The following ERBB4 variants were observed in gnomAD, a reference collection of about 807,000 sequenced individuals.
ERBB4 encodes receptor tyrosine-protein kinase erbB-4.
In ERBB4, 42 loss-of-function variants were observed where a neutral mutation model predicts 158.0. The observed-to-expected ratio is 0.27, with a 90% CI of 0.21 to 0.34. ERBB4 has a LOEUF of 0.34. ERBB4 is among the 10% of genes least tolerant of loss of function. The pLI is 1.00. For synonymous variants in ERBB4, 583 were observed against 558.7 expected, an observed-to-expected ratio of 1.04 and a Z score of -0.61; for missense variants, 1,333 against 1,624.1, an observed-to-expected ratio of 0.82 and a Z score of 3.08.
intron 14 of ERBB4, among the ~76,000 whole-genome samples, chr2:211,667,495 T>C (rs2071675587): frequency 6.6e-6 from 1 of 151,494 alleles, no homozygotes; most frequent in Non-Finnish European, 1.5e-5. Context: ...CCTGAGGAGT[T>C]TGCTAATGGT....
intron 1 of ERBB4, among the ~76,000 whole-genome samples, chr2:212,258,800 C>T (rs1198811531): frequency 6.6e-6 from 1 of 151,830 alleles, no homozygotes; most frequent in Admixed American, 6.6e-5. Flanking sequence ...GCATACAAAA[C>T]TCATGAGTTG....
chr2:211,528,726 A>G (rs115812324), intron 20 of ERBB4, among the ~76,000 whole-genome samples: 13,775 of 152,094 alleles, frequency 0.091, 837 homozygotes, highest in African/African-American at 0.18. Flanking sequence ...ATACAAACAC[A>G]TGGAAATTAA....
At chr2:212,494,949 A>G (rs1189266027) in intron 1 of ERBB4, among the ~76,000 whole-genome samples, 4 of 152,102 alleles carry the variant, frequency 2.6e-5, no homozygotes, top group Non-Finnish European at 5.9e-5. Context: ...CAAGATTTTT[A>G]TTTATAAGCT....
Position 212,333,044 on chromosome 2 carries a change from C to T in ERBB4, c.82+205405G>A, listed in dbSNP as rs115748461. 7.5e-3 allele frequency among the ~76,000 whole-genome samples: 1,140 copies of T among 151,950 alleles called. 9 individuals carry two copies. The highest frequency in any genetic ancestry group is 0.013 in the Non-Finnish European group (866 of 67,934). Reference sequence around the variant, plus strand: ...TTTGGATAGAGAAATTCTAACAATCCCTAGAGAGGATTTGTGTGAGGTGGT... The same window carrying T: ...TTTGGATAGAGAAATTCTAACAATCTCTAGAGAGGATTTGTGTGAGGTGGT... On this transcript the variant is annotated intron_variant, in intron 1 of 27. Transcript: ENST00000342788.
rs140813023 is a variant in ERBB4, at chr2:211,507,110, T to C, written c.2487+54793A>G. Among the ~76,000 whole-genome samples the C allele has an allele frequency of 1.6e-3, 247 of 152,194 alleles. 1 individual carries two copies. The highest frequency in any genetic ancestry group is 5.6e-3 in the African/African-American group (233 of 41,566). ...ATGCACACAAACTAGAAAATCTAGA[T>C]GAAATGGATGAATTTCTGGAAACAT... On this transcript the variant is annotated intron_variant, in intron 20 of 27. Coordinates refer to ENST00000342788, the MANE Select transcript of ERBB4 (RefSeq NM_005235.3).
chr2:212,055,168 AG>A (rs1468055800), intron 2 of ERBB4, among the ~76,000 whole-genome samples: 3 of 152,170 alleles, frequency 2.0e-5, no homozygotes, highest in Non-Finnish European at 4.4e-5. Context: ...CCTGGCTCGG[AG>A]GGTCCCACGC....
chr2:211,934,999 T>TAGCAGAGGA (rs1340871511), intron 3 of ERBB4, among the ~76,000 whole-genome samples: 1 of 148,192 alleles, frequency 6.7e-6, no homozygotes, highest in East Asian at 2.0e-4. Flanking sequence ...CCCCTGCTCA[T>TAGCAGAGGA]TCACACATAG....
rs1165635979 is a variant in ERBB4, at chr2:211,534,350, A to G, written c.2487+27553T>C. 2.0e-5 allele frequency among the ~76,000 whole-genome samples: 3 copies of G among 152,004 alleles called. No homozygotes were observed. In the East Asian group the frequency reaches 5.8e-4, roughly 29 times the overall value. On this transcript the variant is annotated intron_variant, in intron 20 of 27. Coordinates refer to ENST00000342788, the MANE Select transcript of ERBB4 (RefSeq NM_005235.3). ...ACATGGTCAACTCGGGAGAAAACCTATTTTATCTCTCTTATTTTTCTCTAA... is the reference window on the plus strand; with the variant it reads ...ACATGGTCAACTCGGGAGAAAACCTGTTTTATCTCTCTTATTTTTCTCTAA...
chr2:211,880,502 G>C lies in ERBB4; in HGVS notation c.421+66928C>G, dbSNP rs2078632500. Among the ~76,000 whole-genome samples, 3 of 151,906 alleles carry C rather than the reference G, an allele frequency of 2.0e-5. No homozygotes were observed. The South Asian group carries it at 6.2e-4, about 32-fold the overall frequency. ...AATTGTTTACTTGACTATACATAAG[G>C]GGTCTTCAAAAAGTTTGTGAAAAAT... On this transcript the variant is annotated intron_variant, in intron 3 of 27. Coordinates refer to ENST00000342788, the MANE Select transcript of ERBB4 (RefSeq NM_005235.3).
intron 12 of ERBB4, among the ~76,000 whole-genome samples, chr2:211,693,689 C>G (rs1007043945): frequency 2.6e-5 from 4 of 152,120 alleles, no homozygotes; most frequent in Non-Finnish European, 5.9e-5. Context: ...CTAAGGTTTC[C>G]CACCCCACTG....
chr2:212,055,967 A>T (rs183177700), intron 2 of ERBB4, among the ~76,000 whole-genome samples: 3 of 152,348 alleles, frequency 2.0e-5, no homozygotes, highest in African/African-American at 7.2e-5. Context: ...GCTTCAGAAG[A>T]TCAAACTTCT....
intron 2 of ERBB4, among the ~76,000 whole-genome samples, chr2:212,015,041 AAT>A (rs58361195): frequency 1.1e-4 from 1 of 9,200 alleles, no homozygotes; most frequent in African/African-American, 2.2e-4. Flanking sequence ...AAAAAAAAAA[AAT>A]ATATATATAT....
intron 1 of ERBB4, among the ~76,000 whole-genome samples, chr2:212,417,333 C>T (rs553434841): frequency 1.3e-5 from 2 of 152,098 alleles, no homozygotes; most frequent in South Asian, 4.2e-4. Flanking sequence ...CTTAAATTAA[C>T]AAGAACTAAA....
chr2:211,984,990 C>T lies in ERBB4; in HGVS notation c.235-37374G>A, dbSNP rs559234562. On this transcript the variant is annotated intron_variant, in intron 2 of 27. Transcript: ENST00000342788. ...CCGGTGATCCACCCACCTCGGCCCA[C>T]GGCGCCTGGCCTGGCATATAACACT... Among the ~76,000 whole-genome samples the T allele has an allele frequency of 5.9e-5, 9 of 152,140 alleles. No homozygotes were observed. The South Asian group carries it at 8.3e-4, about 14-fold the overall frequency.
In ERBB4 at chr2:211,378,790, C is replaced by T. The variant is rs2062524761; in HGVS notation, c.*4825G>A. The T allele has an allele frequency of 4.3e-6, 1 of 232,590 alleles. No individual in the cohort carries two copies. The highest frequency in any genetic ancestry group is 8.5e-6 in the Non-Finnish European group (1 of 117,570). The allele number at this position is 232,590 out of a possible 1,614,324, so 14.4% of individuals were successfully genotyped here. A position where few individuals can be genotyped will look rare whatever the true frequency, so the allele number is the denominator to read the frequency against. ...TATGTTTACATGGGGCAAGGCTGTC[C>T]TTCAAACTGATACACACCGAAGTCC... On this transcript the variant is annotated 3_prime_UTR_variant, in exon 28 of 28. Transcript: ENST00000342788.
intron 1 of ERBB4, among the ~76,000 whole-genome samples, chr2:212,504,011 C>A (rs1384345831): frequency 6.6e-6 from 1 of 152,164 alleles, no homozygotes; most frequent in East Asian, 1.9e-4. Flanking sequence ...AAATGTCCAT[C>A]TATTTAACAT....
chr2:212,155,897 C>A (rs1484234962), intron 1 of ERBB4, among the ~76,000 whole-genome samples: 2 of 152,048 alleles, frequency 1.3e-5, no homozygotes, highest in African/African-American at 4.8e-5. Flanking sequence ...ATAAAAAGAA[C>A]ACATATATTA....
intron 1 of ERBB4, among the ~76,000 whole-genome samples, chr2:212,322,654 T>G: frequency 6.7e-6 from 1 of 149,764 alleles, no homozygotes. Flanking sequence ...CCTGGCCACA[T>G]GCTCATGCAG....
intron 20 of ERBB4, among the ~76,000 whole-genome samples, chr2:211,553,691 C>T (rs990780329): frequency 6.6e-6 from 1 of 152,126 alleles, no homozygotes; most frequent in East Asian, 1.9e-4. Context: ...GCACTGTTAT[C>T]CCCCTTTTCA....
Sources: gnomAD v4.1 joint callset for allele counts (sites outside exome capture counted in the v4.1 genomes callset) on GRCh38, gnomAD v4.1.1 for gene constraint, MANE v1.5 for transcripts, NCBI Gene and HGNC (gene_info 2026-07-23, HGNC 2026-07-21) for gene names.